SLX4IP: variants seen among roughly 807,000 people sequenced by gnomAD.
The protein encoded by SLX4IP is SLX4 interacting protein, also known as protein SLX4IP.
Under a neutral mutation model 32.9 loss-of-function variants are expected in SLX4IP, and 34 were observed. The observed-to-expected ratio is 1.03, with a 90% CI of 0.79 to 1.38. The LOEUF (loss-of-function observed/expected upper bound fraction) is 1.38. Ranked by LOEUF, SLX4IP falls within the 40% of genes most tolerant of loss-of-function variation. SLX4IP has a pLI of 0.00. For missense variants in SLX4IP, 444 were observed against 479.0 expected, an observed-to-expected ratio of 0.93 and a Z score of 0.68; for synonymous variants, 172 against 171.7, an observed-to-expected ratio of 1.00 and a Z score of -0.01.
intron 2 of SLX4IP, among the ~76,000 whole-genome samples, chr20:10,491,435 A>C (rs2065623113): frequency 6.6e-6 from 1 of 152,108 alleles, no homozygotes; most frequent in Admixed American, 6.6e-5. Context: ...TGTCTTCTCC[A>C]TGAACCAGTG....
intron 6 of SLX4IP, 123 bp from the exon 7 acceptor site, chr20:10,621,191 T>C: frequency 1.2e-6 from 1 of 840,676 alleles, no homozygotes; most frequent in East Asian, 2.6e-5. Context: ...AGCTTACCAC[T>C]GAGCAGTTTC....
chr20:10,499,396 A>G (rs1175793240), intron 2 of SLX4IP, among the ~76,000 whole-genome samples: 1 of 152,238 alleles, frequency 6.6e-6, no homozygotes, highest in Non-Finnish European at 1.5e-5. Flanking sequence ...GCTTTGTAAC[A>G]TGTAATATAC....
rs1323776005 is a variant in SLX4IP, at chr20:10,531,994, C to G, written c.28-24237C>G. Among the ~76,000 whole-genome samples the G allele has an allele frequency of 2.0e-5, 3 of 152,284 alleles. No individual in the cohort carries two copies. The East Asian group carries it at 5.8e-4, about 29-fold the overall frequency. On this transcript the variant is annotated intron_variant, in intron 2 of 7. Transcript: ENST00000334534. ...ATGCCCTGCTTCATCTCCTATAACT[C>G]CAGCGTAAGTTTCTGACATCACATC... is the stretch of plus-strand genomic sequence containing the variant.
At chr20:10,489,655 A>G (rs1881718019) in intron 2 of SLX4IP, among the ~76,000 whole-genome samples, 1 of 152,182 alleles carries the variant, frequency 6.6e-6, no homozygotes, top group South Asian at 2.1e-4. Context: ...GCACAAGAGT[A>G]AGGGGTCAGG....
intron 2 of SLX4IP, among the ~76,000 whole-genome samples, chr20:10,534,987 G>A (rs796737510): frequency 6.6e-6 from 1 of 152,198 alleles, no homozygotes; most frequent in South Asian, 2.1e-4. Context: ...TAGGATTTTA[G>A]TCTTTATTCT....
intron 2 of SLX4IP, among the ~76,000 whole-genome samples, chr20:10,536,719 C>T (rs140634357): frequency 6.6e-6 from 1 of 152,334 alleles, no homozygotes; most frequent in Non-Finnish European, 1.5e-5. Context: ...TCGATTTTCA[C>T]TTTGGTCAAC....
intron 2 of SLX4IP, among the ~76,000 whole-genome samples, chr20:10,483,492 T>C (rs2065543665): frequency 6.6e-6 from 1 of 152,190 alleles, no homozygotes; most frequent in African/African-American, 2.4e-5. Context: ...GCAAACAAAA[T>C]GATTATCAAG....
intron 4 of SLX4IP, among the ~76,000 whole-genome samples, chr20:10,586,837 T>C (rs1277426502): frequency 6.6e-6 from 1 of 152,032 alleles, no homozygotes; most frequent in Non-Finnish European, 1.5e-5. Context: ...AAAATATAAA[T>C]TGTTAATGTG....
intron 2 of SLX4IP, among the ~76,000 whole-genome samples, chr20:10,463,970 CAT>C (rs968021988): frequency 7.9e-5 from 12 of 152,242 alleles, no homozygotes; most frequent in African/African-American, 2.4e-4. Context: ...GGGAAGGAAA[CAT>C]GTGGGAGGGC....
chr20:10,523,239 C>T (rs2065914109), intron 2 of SLX4IP, among the ~76,000 whole-genome samples: 1 of 152,084 alleles, frequency 6.6e-6, no homozygotes, highest in Non-Finnish European at 1.5e-5. Context: ...GATACTGTGA[C>T]AGTCAGAGAG....
intron 2 of SLX4IP, among the ~76,000 whole-genome samples, chr20:10,460,500 TGGA>T (rs532211829): frequency 6.6e-4 from 100 of 152,354 alleles, no homozygotes; most frequent in Middle Eastern, 3.4e-3. Flanking sequence ...GAATCATTGC[TGGA>T]TCTGTTAATT....
chr20:10,513,168 G>A (rs2122433968), intron 2 of SLX4IP, among the ~76,000 whole-genome samples: 1 of 152,240 alleles, frequency 6.6e-6, no homozygotes, highest in South Asian at 2.1e-4. Flanking sequence ...AGTAGTGCCT[G>A]TGTGCTGGAC....
At chr20:10,615,143 A>T (rs2067011613) in intron 6 of SLX4IP, among the ~76,000 whole-genome samples, 1 of 152,156 alleles carries the variant, frequency 6.6e-6, no homozygotes, top group South Asian at 2.1e-4. Flanking sequence ...TGGAGAGTTC[A>T]GTCTCCAGTC....
intron 4 of SLX4IP, among the ~76,000 whole-genome samples, chr20:10,583,625 G>A (rs1211890246): frequency 6.6e-6 from 1 of 152,102 alleles, no homozygotes; most frequent in African/African-American, 2.4e-5. Flanking sequence ...GATGAGGCTG[G>A]GGTCCCTTGT....
At chr20:10,622,538 A>G (rs1211008340) in intron 7 of SLX4IP, 121 bp from the exon 8 acceptor site, 1 of 1,380,552 alleles carries the variant, frequency 7.2e-7, no homozygotes, top group Non-Finnish European at 9.7e-7. Flanking sequence ...TTGCTGGGGA[A>G]GCGAGAGGGC....
At chr20:10,569,397 G>A (rs1039548958) in intron 4 of SLX4IP, among the ~76,000 whole-genome samples, 3 of 151,990 alleles carry the variant, frequency 2.0e-5, no homozygotes, top group Admixed American at 2.0e-4. Flanking sequence ...TGTTGGCCAG[G>A]CTGGTGATCC....
chr20:10,592,921 T>C (rs544504683), intron 4 of SLX4IP, among the ~76,000 whole-genome samples: 3 of 152,282 alleles, frequency 2.0e-5, no homozygotes, highest in East Asian at 3.9e-4. Context: ...CGTGAGCCAC[T>C]GTGCCTAGCC....
intron 6 of SLX4IP, among the ~76,000 whole-genome samples, chr20:10,610,033 G>T (rs1024067285): frequency 6.6e-6 from 1 of 151,928 alleles, no homozygotes; most frequent in Non-Finnish European, 1.5e-5. Flanking sequence ...GTCAAGTGTT[G>T]GCCCAAACCC....
chr20:10,460,133 G>T (rs754216359), intron 2 of SLX4IP, among the ~76,000 whole-genome samples: 1 of 152,062 alleles, frequency 6.6e-6, no homozygotes, highest in African/African-American at 2.4e-5. Context: ...TTCACTATTT[G>T]TGTGTCTAAA....
Sources: gnomAD v4.1 joint callset for allele counts (sites outside exome capture counted in the v4.1 genomes callset) on GRCh38, gnomAD v4.1.1 for gene constraint, MANE v1.5 for transcripts, NCBI Gene and HGNC (gene_info 2026-07-23, HGNC 2026-07-21) for gene names.